Variants in STPG1 observed in about 807,000 individuals in gnomAD.
STPG1 encodes O(6)-methylguanine-induced apoptosis 2.
STPG1 carries 33 observed loss-of-function variants against 40.1 expected under a neutral mutation model. The ratio of observed to expected loss-of-function variants is 0.82; its 90% CI spans 0.62 to 1.10. The LOEUF (loss-of-function observed/expected upper bound fraction) is 1.10, where lower values mean the gene tolerates loss of function less well. STPG1 is among the 50% of genes least tolerant of loss of function. STPG1 has a pLI of 0.00. For synonymous variants in STPG1, 150 were observed against 155.0 expected, an observed-to-expected ratio of 0.97 and a Z score of 0.24; for missense variants, 396 against 415.1, an observed-to-expected ratio of 0.95 and a Z score of 0.40.
rs1553126266 is a variant in STPG1 at position 24,396,297 on chromosome 1, A to ATCTATCTATCTATCTATCTG, written c.71-4619_71-4618insCAGATAGATAGATAGATAGA. ...TATCTATCTATCTATCTATCTATCT[A>ATCTATCTATCTATCTATCTG]TCATCTATCTATCTTATTGATCTAT... On this transcript the variant is annotated intron_variant, in intron 2 of 8. Transcript: ENST00000337248. Among the ~76,000 whole-genome samples, 219 of 132,622 alleles carry ATCTATCTATCTATCTATCTG rather than the reference A, an allele frequency of 1.7e-3. 1 individual carries two copies. The highest frequency in any genetic ancestry group is 5.3e-3 in the African/African-American group (161 of 30,434). The allele number at this position is 132,622 out of a possible 152,430, so 87.0% of individuals were successfully genotyped here. A position where few individuals can be genotyped will look rare whatever the true frequency, so the allele number is the denominator to read the frequency against.
intron 2 of STPG1, among the ~76,000 whole-genome samples, chr1:24,393,230 G>A (rs1642855655): frequency 6.6e-6 from 1 of 152,220 alleles, no homozygotes; most frequent in Admixed American, 6.5e-5. Context: ...GATGGGGAGA[G>A]GGACACTGAA....
At chr1:24,363,823 C>T (rs1641278033) in intron 7 of STPG1, among the ~76,000 whole-genome samples, 1 of 151,388 alleles carries the variant, frequency 6.6e-6, no homozygotes, top group Non-Finnish European at 1.5e-5. Flanking sequence ...ACAGCAGGAG[C>T]AAAAGCATGG....
chr1:24,392,549 T>C (rs1433067648), intron 2 of STPG1, among the ~76,000 whole-genome samples: 1 of 152,168 alleles, frequency 6.6e-6, no homozygotes, highest in East Asian at 1.9e-4. Context: ...ACCCCTGCCC[T>C]CAGTCCAGCC....
chr1:24,369,663 T>C lies in STPG1; in HGVS notation c.737+11A>G, dbSNP rs770147697. 14 of 1,582,974 alleles carry C rather than the reference T, an allele frequency of 8.8e-6. No homozygotes were observed. Among genetic ancestry groups the C allele is most frequent in the Admixed American group, 7.2e-5 (4 of 55,508 alleles). On this transcript the variant is annotated intron_variant, in intron 7 of 8. Transcript: ENST00000337248. ...CCTTTCAAAAGAAAGACCAGAATGA[T>C]TGGGACTCACGGGAAAAGAGTCTTT... is the stretch of plus-strand genomic sequence containing the variant.
In STPG1 at chr1:24,357,577, GC is replaced by G. The variant is rs1196838583; in HGVS notation, c.*965del. On this transcript the variant is annotated 3_prime_UTR_variant, in exon 9 of 9. Coordinates refer to ENST00000337248, the MANE Select transcript of STPG1 (RefSeq NM_001199013.2). ...GGCTGAGAACCACTTCTCTGGAGAG[GC>G]CACAGTTGTACAGGCCTTGGAGGCT... is the stretch of plus-strand genomic sequence containing the variant. The G allele has an allele frequency of 3.2e-5, 5 of 157,182 alleles. No homozygotes were observed. Among genetic ancestry groups the G allele is most frequent in the African/African-American group, 1.2e-4 (5 of 41,470 alleles). 9.7% of individuals were successfully genotyped at this position (157,182 alleles called of 1,614,324 possible). A position where few individuals can be genotyped will look rare whatever the true frequency, so the allele number is the denominator to read the frequency against.
intron 3 of STPG1, among the ~76,000 whole-genome samples, chr1:24,384,826 C>G (rs914303656): frequency 7.2e-5 from 11 of 152,266 alleles, no homozygotes; most frequent in African/African-American, 2.4e-4. Flanking sequence ...GGATTACTGT[C>G]CCCCGTTGAT....
In STPG1 at chr1:24,358,449, A is replaced by G; in HGVS notation, c.*94T>C. The G allele has an allele frequency of 1.9e-6, 2 of 1,073,440 alleles. No homozygotes were observed. Among genetic ancestry groups the G allele is most frequent in the Non-Finnish European group, 2.9e-6 (2 of 686,876 alleles). The allele number at this position is 1,073,440 out of a possible 1,614,324, so 66.5% of individuals were successfully genotyped here. A position where few individuals can be genotyped will look rare whatever the true frequency, so the allele number is the denominator to read the frequency against. On this transcript the variant is annotated 3_prime_UTR_variant, in exon 9 of 9. Transcript: ENST00000337248. Reference sequence around the variant, plus strand: ...GCCACCCCCCAAGTTGTCAGCTGCCACACTCATGATCGGTCTCCTCCTGAG... The same window carrying G: ...GCCACCCCCCAAGTTGTCAGCTGCCGCACTCATGATCGGTCTCCTCCTGAG...
At chr1:24,368,792 C>T (rs2148684505) in intron 7 of STPG1, 1 of 152,620 alleles carries the variant, frequency 6.6e-6, no homozygotes, top group South Asian at 2.1e-4. Flanking sequence ...ACAATCTGGG[C>T]CTCACAGGTC....
intron 3 of STPG1, among the ~76,000 whole-genome samples, chr1:24,386,225 G>A (rs1642497798): frequency 6.6e-6 from 1 of 152,182 alleles, no homozygotes; most frequent in African/African-American, 2.4e-5. Context: ...AATTTAACTG[G>A]ACATCTCGTG....
At chr1:24,362,005 C>T (rs1323310534) in intron 7 of STPG1, among the ~76,000 whole-genome samples, 1 of 152,228 alleles carries the variant, frequency 6.6e-6, no homozygotes, top group Non-Finnish European at 1.5e-5. Flanking sequence ...GGGCCGCCTC[C>T]TTCTGGCTCA....
chr1:24,372,480 G>A (rs577657758), intron 6 of STPG1, among the ~76,000 whole-genome samples: 19 of 152,292 alleles, frequency 1.2e-4, no homozygotes, highest in African/African-American at 3.8e-4. Flanking sequence ...CCCCCACCCC[G>A]GGAGGGAGCA....
chr1:24,371,994 A>G (rs1641768971), intron 6 of STPG1, among the ~76,000 whole-genome samples: 1 of 152,208 alleles, frequency 6.6e-6, no homozygotes. Flanking sequence ...CCTGGCCCAC[A>G]TGGTGAAATC....
At chr1:24,400,204 A>G (rs182552187) in intron 2 of STPG1, among the ~76,000 whole-genome samples, 60 of 152,392 alleles carry the variant, frequency 3.9e-4, no homozygotes, top group Admixed American at 3.9e-3. Context: ...TTACTCATAG[A>G]TAAGACAAAC....
intron 5 of STPG1, among the ~76,000 whole-genome samples, chr1:24,374,968 T>C (rs1641953004): frequency 6.6e-6 from 1 of 152,154 alleles, no homozygotes; most frequent in East Asian, 1.9e-4. Context: ...GTCCTACCCA[T>C]CCCCATCCTC....
At chr1:24,370,454 G>A (rs753717231) in intron 6 of STPG1, among the ~76,000 whole-genome samples, 1 of 151,364 alleles carries the variant, frequency 6.6e-6, no homozygotes, top group Non-Finnish European at 1.5e-5. Context: ...CCGAGTAGCT[G>A]AGACTACAGG....
chr1:24,369,403 C>T (rs1450311544), intron 7 of STPG1: 4 of 586,198 alleles, frequency 6.8e-6, no homozygotes, highest in Non-Finnish European at 1.3e-5. Context: ...GCCTTGCTTC[C>T]TCCTCTATGG....
intron 2 of STPG1, among the ~76,000 whole-genome samples, chr1:24,392,479 G>A (rs1642817053): frequency 6.6e-6 from 1 of 152,172 alleles, no homozygotes; most frequent in Non-Finnish European, 1.5e-5. Context: ...CACTGGGCAA[G>A]CGGATGAGAA....
At position 24,358,606 on chromosome 1, in the gene STPG1, T is replaced by G; in HGVS notation, c.942A>C (p.Pro314=). ...GGAAGGACTGCTTTCCTGGAAGCTC[T>G]GGCTTGTACGTAGCTGTGAGGGGAC... ...PGLPGPATYK[P]ELPGKQSFLY... is the part of the protein sequence containing the mutation. Residue 314 remains proline (P), a synonymous_variant, in exon 9 of 9, where the codon CCA becomes CCC. Transcript: ENST00000337248. The G allele has an allele frequency of 6.2e-7, 1 of 1,613,882 alleles. No individual in the cohort carries two copies. The highest frequency in any genetic ancestry group is 8.5e-7 in the Non-Finnish European group (1 of 1,179,762).
At chr1:24,378,796 T>A (rs534667633) in intron 5 of STPG1, among the ~76,000 whole-genome samples, 1 of 152,374 alleles carries the variant, frequency 6.6e-6, no homozygotes, top group East Asian at 1.9e-4. Context: ...AATTCATATC[T>A]TGCGCACTTC....
Sources: gnomAD v4.1 joint callset for allele counts (sites outside exome capture counted in the v4.1 genomes callset) on GRCh38, gnomAD v4.1.1 for gene constraint, MANE v1.5 for transcripts, NCBI Gene and HGNC (gene_info 2026-07-23, HGNC 2026-07-21) for gene names.